Variants in LOC400499 observed in about 807,000 individuals in gnomAD.
chr16:11,373,074 G>C, the LOC400499 span, among the ~76,000 whole-genome samples: 14 of 152,364 alleles, frequency 9.2e-5, no homozygotes, highest in Non-Finnish European at 1.9e-4. Flanking sequence ...ATAGTTCCTA[G>C]CCAAGGGGAG....
chr16:11,427,164 C>T, the LOC400499 span, among the ~76,000 whole-genome samples: 1 of 151,348 alleles, frequency 6.6e-6, no homozygotes, highest in South Asian at 2.1e-4. Context: ...TCAAGACCAG[C>T]CTGACCAACA....
chr16:11,382,759 G>C, the LOC400499 span, among the ~76,000 whole-genome samples: 1 of 152,102 alleles, frequency 6.6e-6, no homozygotes, highest in African/African-American at 2.4e-5. Flanking sequence ...GCAGTGAGCC[G>C]AGATTGTGCC....
chr16:11,432,468 G>A, the LOC400499 span, among the ~76,000 whole-genome samples: 1 of 152,210 alleles, frequency 6.6e-6, no homozygotes, highest in East Asian at 1.9e-4. Flanking sequence ...AACAGGTAGA[G>A]AGAGAGTAAT....
the LOC400499 span, among the ~76,000 whole-genome samples, chr16:11,515,633 T>G: frequency 2.2e-5 from 3 of 133,644 alleles, no homozygotes; most frequent in Non-Finnish European, 3.2e-5. Flanking sequence ...AGAGAAGGAA[T>G]TGGAAGAGAG....
the LOC400499 span, chr16:11,500,723 T>G: frequency 2.5e-5 from 10 of 397,904 alleles, no homozygotes; most frequent in East Asian, 3.6e-4. Flanking sequence ...ACAAAAGAAC[T>G]GATCACCTCC....
At chr16:11,407,886 C>T in the LOC400499 span, among the ~76,000 whole-genome samples, 92 of 149,532 alleles carry the variant, frequency 6.2e-4, 1 homozygote, top group East Asian at 0.012. Context: ...AGAATCACTG[C>T]GGGGGAACTT....
chr16:11,416,514 A>T, the LOC400499 span, among the ~76,000 whole-genome samples: 4 of 152,264 alleles, frequency 2.6e-5, no homozygotes, highest in South Asian at 4.1e-4. Context: ...CCCATTCGAT[A>T]CCTACTATGC....
chr16:11,405,380 G>A, the LOC400499 span, among the ~76,000 whole-genome samples: 1,582 of 152,306 alleles, frequency 0.01, 32 homozygotes, highest in African/African-American at 0.036. Flanking sequence ...TGGCCCTTAA[G>A]GGGCTCCCAG....
At chr16:11,447,548 C>G in the LOC400499 span, among the ~76,000 whole-genome samples, 2 of 152,174 alleles carry the variant, frequency 1.3e-5, no homozygotes, top group Non-Finnish European at 2.9e-5. Flanking sequence ...CTGTAGCTGA[C>G]TTATCTAAGG....
At chr16:11,500,122 A>C in the LOC400499 span, among the ~76,000 whole-genome samples, 101,823 of 152,072 alleles carry the variant, frequency 0.67, 34,208 homozygotes, top group Admixed American at 0.74. Context: ...GCTCAGATTT[A>C]GTGCCAGACA....
the LOC400499 span, among the ~76,000 whole-genome samples, chr16:11,464,907 T>A: frequency 6.6e-6 from 1 of 152,180 alleles, no homozygotes; most frequent in Non-Finnish European, 1.5e-5. Flanking sequence ...AAATGAGGCA[T>A]AAGTCTCAGC....
chr16:11,417,580 G>C, the LOC400499 span: 1 of 398,148 alleles, frequency 2.5e-6, no homozygotes, highest in African/African-American at 2.1e-5. Context: ...GTCTGGCCCA[G>C]GCATGGAGGA....
At chr16:11,467,764 A>T in the LOC400499 span, among the ~76,000 whole-genome samples, 1 of 152,178 alleles carries the variant, frequency 6.6e-6, no homozygotes, top group East Asian at 1.9e-4. Flanking sequence ...AACTAAAAAT[A>T]TTTGCAAATC....
At chr16:11,448,933 T>C in the LOC400499 span, 192 of 1,486,838 alleles carry the variant, frequency 1.3e-4, no homozygotes, top group Non-Finnish European at 1.7e-4. Context: ...TCCAGGTGCC[T>C]GTAGGCCGCT....
At chr16:11,379,816 C>T in the LOC400499 span, among the ~76,000 whole-genome samples, 1 of 152,204 alleles carries the variant, frequency 6.6e-6, no homozygotes, top group Non-Finnish European at 1.5e-5. Context: ...TGTGTACGTT[C>T]TGTAGATATG....
At chr16:11,499,693 C>G in the LOC400499 span, among the ~76,000 whole-genome samples, 755 of 152,276 alleles carry the variant, frequency 5.0e-3, 4 homozygotes, top group African/African-American at 0.017. Context: ...TCTACCAATG[C>G]AGGGGTCTCT....
chr16:11,474,281 A>G, the LOC400499 span, among the ~76,000 whole-genome samples: 4 of 152,318 alleles, frequency 2.6e-5, no homozygotes, highest in African/African-American at 9.6e-5. Flanking sequence ...GTTCCCATAC[A>G]ACTTTATTTC....
At chr16:11,518,124 T>G in the LOC400499 span, among the ~76,000 whole-genome samples, 1 of 152,116 alleles carries the variant, frequency 6.6e-6, no homozygotes, top group Non-Finnish European at 1.5e-5. Context: ...GACTTAGCAT[T>G]TCTGATGAGG....
At chr16:11,389,746 G>A in the LOC400499 span, among the ~76,000 whole-genome samples, 1 of 146,984 alleles carries the variant, frequency 6.8e-6, no homozygotes, top group African/African-American at 2.5e-5. Flanking sequence ...TGACAGAGCC[G>A]AATGGCCTGC....
Sources: allele counts gnomAD v4.1 joint callset (sites outside exome capture counted in the v4.1 genomes callset), GRCh38; gene constraint gnomAD v4.1.1; transcripts MANE v1.5.